The following ESRRB variants were observed in gnomAD, a reference collection of about 807,000 sequenced individuals.
ESRRB encodes estrogen related receptor beta, also known as steroid hormone receptor ERR2.
In ESRRB, 16 loss-of-function variants were observed where a neutral mutation model predicts 46.0. The ratio of observed to expected loss-of-function variants is 0.35; its 90% CI spans 0.24 to 0.53. ESRRB has a LOEUF of 0.53. Among genes scored for constraint, ESRRB ranks in the 20% least tolerant of loss-of-function variants. ESRRB has a pLI of 0.93. For missense variants in ESRRB, 488 were observed against 607.4 expected (o/e 0.80, Z 2.07); for synonymous variants, 246 against 259.6 (o/e 0.95, Z 0.50).
intron 1 of ESRRB, among the ~76,000 whole-genome samples, chr14:76,389,109 T>A (rs1885364749): frequency 6.6e-6 from 1 of 152,172 alleles, no homozygotes; most frequent in African/African-American, 2.4e-5. Context: ...CCCTCCTACA[T>A]CTGGAAAACT....
At chr14:76,463,455 T>TTTGTTTGTTTGTTTG (rs1888972846) in intron 3 of ESRRB, 2 of 141,682 alleles carry the variant, frequency 1.4e-5, no homozygotes, top group Non-Finnish European at 3.1e-5. Flanking sequence ...GTTTTTTTTT[T>TTTGTTTGTTTGTTTG]TTTTTTTTGG....
intron 1 of ESRRB, among the ~76,000 whole-genome samples, chr14:76,327,159 G>C (rs1410163194): frequency 6.6e-6 from 1 of 152,248 alleles, no homozygotes; most frequent in African/African-American, 2.4e-5. Flanking sequence ...GGTTGCCAAG[G>C]GATTCTCAAC....
chr14:76,435,944 T>C (rs530798215), intron 1 of ESRRB, among the ~76,000 whole-genome samples: 1 of 152,326 alleles, frequency 6.6e-6, no homozygotes, highest in African/African-American at 2.4e-5. Flanking sequence ...GGGCTTCCTG[T>C]ACCAACCCTG....
At chr14:76,351,375 T>A (rs1884311648) in intron 1 of ESRRB, among the ~76,000 whole-genome samples, 2 of 101,608 alleles carry the variant, frequency 2.0e-5, no homozygotes, top group Admixed American at 1.1e-4. Context: ...TCCTCACTTA[T>A]GGTGGTTGCT....
At chr14:76,427,300 G>A (rs544550824) in intron 1 of ESRRB, among the ~76,000 whole-genome samples, 106 of 152,132 alleles carry the variant, frequency 7.0e-4, no homozygotes, top group Non-Finnish European at 1.1e-3. Context: ...GGCAGATATA[G>A]GATGTCTCTA....
intron 3 of ESRRB, chr14:76,463,446 T>C (rs1173967736): frequency 1.9e-5 from 2 of 104,546 alleles, no homozygotes; most frequent in Non-Finnish European, 3.7e-5. Context: ...TGCTTCTTTG[T>C]TTTTTTTTTT....
chr14:76,341,101 G>A (rs929345793), intron 1 of ESRRB, among the ~76,000 whole-genome samples: 6 of 152,128 alleles, frequency 3.9e-5, no homozygotes, highest in Non-Finnish European at 8.8e-5. Flanking sequence ...GTGTGCTCCA[G>A]CCTCCTGCAA....
chr14:76,332,533 CAATAT>C (rs1254852808), intron 1 of ESRRB, among the ~76,000 whole-genome samples: 6 of 79,746 alleles, frequency 7.5e-5, no homozygotes, highest in Middle Eastern at 6.0e-3. Flanking sequence ...TAAATATATA[CAATAT>C]AATATATATT....
chr14:76,416,689 G>C (rs781509644), intron 1 of ESRRB, among the ~76,000 whole-genome samples: 4 of 151,252 alleles, frequency 2.6e-5, no homozygotes, highest in Non-Finnish European at 1.5e-5. Flanking sequence ...GGCTGGTCTC[G>C]AACTCCTGAC....
In ESRRB at chr14:76,494,304, T is replaced by C. The variant is rs1721164502; in HGVS notation, c.1120+2588T>C. Reference sequence around the variant, plus strand: ...AAAGTATAGTTTTAGATTTACAGAATAACTTTTTTTTTTTTTTTTGAGACA... The same window carrying C: ...AAAGTATAGTTTTAGATTTACAGAACAACTTTTTTTTTTTTTTTTGAGACA... On this transcript the variant is annotated intron_variant, in intron 6 of 6. Transcript: ENST00000644823. Among the ~76,000 whole-genome samples, 3 of 116,674 alleles carry C rather than the reference T, an allele frequency of 2.6e-5. No homozygotes were observed. In the South Asian group the frequency reaches 8.1e-4, roughly 32 times the overall value. 76.5% of individuals were successfully genotyped at this position (116,674 alleles called of 152,430 possible).
At chr14:76,448,490 G>A (rs1888247430) in intron 2 of ESRRB, among the ~76,000 whole-genome samples, 1 of 93,036 alleles carries the variant, frequency 1.1e-5, no homozygotes, top group Non-Finnish European at 2.2e-5. Flanking sequence ...CACCATGCCT[G>A]GCTAATTTTG....
chr14:76,320,782 A>G (rs956494028), intron 1 of ESRRB, among the ~76,000 whole-genome samples: 1 of 152,096 alleles, frequency 6.6e-6, no homozygotes, highest in Admixed American at 6.5e-5. Context: ...ACTGGAGAAT[A>G]TGTTAGCAAT....
intron 1 of ESRRB, among the ~76,000 whole-genome samples, chr14:76,390,976 G>A (rs753033807): frequency 2.0e-5 from 3 of 152,312 alleles, no homozygotes; most frequent in African/African-American, 2.4e-5. Flanking sequence ...TGGCTGCAGC[G>A]GGGCCCCAGG....
At chr14:76,380,281 G>A (rs1385947914) in intron 1 of ESRRB, among the ~76,000 whole-genome samples, 1 of 152,144 alleles carries the variant, frequency 6.6e-6, no homozygotes, top group Non-Finnish European at 1.5e-5. Flanking sequence ...GAGACATTGA[G>A]GGAGCATGTA....
At chr14:76,381,331 G>A (rs1490373480) in intron 1 of ESRRB, among the ~76,000 whole-genome samples, 6 of 152,014 alleles carry the variant, frequency 3.9e-5, no homozygotes, top group Admixed American at 6.5e-5. Context: ...AACCCTCACC[G>A]GGCCAGCCTG....
At chr14:76,316,672 C>T (rs560359793) in intron 1 of ESRRB, among the ~76,000 whole-genome samples, 4 of 152,234 alleles carry the variant, frequency 2.6e-5, no homozygotes, top group African/African-American at 9.6e-5. Flanking sequence ...CAGCTCGTGA[C>T]TCATTGATCA....
At chr14:76,450,051 T>C (rs556237565) in intron 2 of ESRRB, among the ~76,000 whole-genome samples, 1 of 151,822 alleles carries the variant, frequency 6.6e-6, no homozygotes, top group Admixed American at 6.6e-5. Flanking sequence ...AAGCTGACAA[T>C]AAATATGATA....
At chr14:76,463,723 A>C (rs755029861) in intron 3 of ESRRB, among the ~76,000 whole-genome samples, 8 of 152,102 alleles carry the variant, frequency 5.3e-5, no homozygotes, top group Non-Finnish European at 1.0e-4. Flanking sequence ...CTGGGATTAC[A>C]GGTGTAAGCC....
intron 1 of ESRRB, among the ~76,000 whole-genome samples, chr14:76,386,138 T>C (rs1351754449): frequency 6.6e-6 from 1 of 152,200 alleles, no homozygotes; most frequent in East Asian, 1.9e-4. Flanking sequence ...CGTGTCAATA[T>C]GTAACACAAG....
Sources: allele counts gnomAD v4.1 joint callset (sites outside exome capture counted in the v4.1 genomes callset), GRCh38; gene constraint gnomAD v4.1.1; transcripts MANE v1.5; gene names NCBI Gene and HGNC (gene_info 2026-07-23, HGNC 2026-07-21).